The following CDK1 variants were observed in gnomAD, a reference collection of about 807,000 sequenced individuals.
CDK1 encodes cyclin-dependent kinase 1.
A neutral mutation model predicts 34.6 loss-of-function variants in CDK1; 5 were observed. That is an observed-to-expected ratio of 0.14 (90% CI 0.08 to 0.30). CDK1 has a LOEUF of 0.30. CDK1 is among the 10% of genes least tolerant of loss of function. CDK1 has a pLI of 1.00. For missense variants in CDK1, 157 were observed against 345.7 expected (o/e 0.45, Z 4.33); for synonymous variants, 108 against 114.7 (o/e 0.94, Z 0.37).
At chr10:60,793,065 T>C (rs2080372537) in intron 7 of CDK1, among the ~76,000 whole-genome samples, 1 of 152,110 alleles carries the variant, frequency 6.6e-6, no homozygotes, top group Non-Finnish European at 1.5e-5. Context: ...CGAACCATTA[T>C]TGTAAATTAA....
chr10:60,790,570 T>G lies in CDK1; in HGVS notation c.490-1320T>G, dbSNP rs115101235. On this transcript the variant is annotated intron_variant, in intron 5 of 7. Transcript: ENST00000395284. ...CCTCATTTGTCTATTTTTGATTTTG[T>G]TTCTTGAGCTTTTGAGGTCTTATCC... 5.8e-3 allele frequency among the ~76,000 whole-genome samples: 885 copies of G among 152,330 alleles called. 11 individuals carry two copies. Among genetic ancestry groups the G allele is most frequent in the African/African-American group, 0.021 (853 of 41,576 alleles).
At chr10:60,787,195 A>G (rs2080323560) in intron 4 of CDK1, 2 of 332,702 alleles carry the variant, frequency 6.0e-6, no homozygotes, top group East Asian at 1.7e-4. Flanking sequence ...TCATTTACCC[A>G]TACAACCATT....
At position 60,792,181 on chromosome 10, in the gene CDK1, A is replaced by G. The variant is rs370173780; in HGVS notation, c.687A>G (p.Pro229=). 4.2e-5 allele frequency: 68 copies of G among 1,611,324 alleles called. No homozygotes were observed. The highest frequency in any genetic ancestry group is 1.8e-4 in the Admixed American group (11 of 59,552). Residue 229 remains proline, a synonymous_variant, in exon 7 of 8, where the codon CCA becomes CCG. Coordinates refer to ENST00000395284, the MANE Select transcript of CDK1 (RefSeq NM_001786.5). Reference sequence around the variant, plus strand: ...GCACTCCCAATAATGAAGTGTGGCCAGAAGTGGAATCTTTACAGGACTATA... The same window carrying G: ...GCACTCCCAATAATGAAGTGTGGCCGGAAGTGGAATCTTTACAGGACTATA... The part of the protein sequence containing the change: ...ALGTPNNEVW[P]EVESLQDYKN...
Position 60,793,929 on chromosome 10 carries a change from A to G in CDK1, c.848A>G (p.Asn283Ser), listed in dbSNP as rs777969351. The change falls in exon 8 of 8, where the codon AAT (asparagine) becomes AGT (serine). Residue 283 changes from asparagine to serine, a missense_variant. Asn to Ser is a conservative substitution (Grantham distance 46). This residue lies in a region of CDK1 where 102 missense variants were observed against 233.6 expected (regional missense o/e 0.44). Coordinates refer to ENST00000395284, the MANE Select transcript of CDK1 (RefSeq NM_001786.5). The stretch of plus-strand genomic sequence containing the variant: ...CGAATTTCTGGCAAAATGGCACTGA[A>G]TCATCCATATTTTAATGATTTGGAC... ...AKRISGKMAL[N>S]HPYFNDLDNQ... 1.9e-6 allele frequency: 3 copies of G among 1,556,454 alleles called. No homozygotes were observed. Among genetic ancestry groups the G allele is most frequent in the African/African-American group, 1.4e-5 (1 of 69,988 alleles).
At chr10:60,783,079 T>C (rs2080286285) in intron 2 of CDK1, among the ~76,000 whole-genome samples, 1 of 152,186 alleles carries the variant, frequency 6.6e-6, no homozygotes, top group African/African-American at 2.4e-5. Context: ...TGAGATCACT[T>C]AAACAGTATG....
At chr10:60,787,408 G>GT (rs952913185) in intron 4 of CDK1, among the ~76,000 whole-genome samples, 2 of 151,914 alleles carry the variant, frequency 1.3e-5, no homozygotes, top group Non-Finnish European at 2.9e-5. Context: ...GTTTTGTTTT[G>GT]TTTTTTGAAC....
At chr10:60,785,870 A>G in intron 4 of CDK1, 83 bp downstream of exon 4, 1 of 1,374,428 alleles carries the variant, frequency 7.3e-7, no homozygotes, top group Admixed American at 2.6e-5. Flanking sequence ...ATTTTGTGGG[A>G]ATATGCTTGG....
intron 5 of CDK1, among the ~76,000 whole-genome samples, chr10:60,789,846 C>T (rs936689906): frequency 6.6e-6 from 1 of 152,164 alleles, no homozygotes; most frequent in Admixed American, 6.5e-5. Context: ...CATAATGGCT[C>T]TACTAATTTA....
intron 4 of CDK1, chr10:60,786,749 G>A (rs2080319670): frequency 2.0e-6 from 1 of 492,034 alleles, no homozygotes; most frequent in Admixed American, 6.4e-5. Flanking sequence ...TGTTAACTAT[G>A]TGAAAAAGGC....
intron 2 of CDK1, among the ~76,000 whole-genome samples, chr10:60,782,860 C>T (rs2080284237): frequency 6.6e-6 from 1 of 152,124 alleles, no homozygotes; most frequent in Non-Finnish European, 1.5e-5. Flanking sequence ...TGTTTAACCC[C>T]TCTTCCAGTA....
Position 60,788,174 on chromosome 10 carries a change from G to T in CDK1, c.433G>T (p.Ala145Ser). The T allele has an allele frequency of 1.7e-5, 28 of 1,611,288 alleles. No individual in the cohort carries two copies. Among genetic ancestry groups the T allele is most frequent in the Non-Finnish European group, 2.4e-5 (28 of 1,178,254 alleles). Residue 145 changes from alanine to serine, a missense_variant, in exon 5 of 8, where the codon GCT (alanine) becomes TCT (serine). Ala to Ser is a moderately conservative substitution (Grantham distance 99). Coordinates refer to ENST00000395284, the MANE Select transcript of CDK1 (RefSeq NM_001786.5). ...LIDDKGTIKL[A>S]DFGLARAFGI... ...TGATGACAAAGGAACAATTAAACTG[G>T]CTGATTTTGGCCTTGCCAGAGCTTT...
intron 3 of CDK1, among the ~76,000 whole-genome samples, chr10:60,785,342 G>GTATTT: frequency 1.3e-5 from 2 of 152,224 alleles, no homozygotes; most frequent in South Asian, 4.2e-4. Context: ...TAGCTTTTAA[G>GTATTT]GTCAGATACC....
In CDK1 at chr10:60,792,289, G is replaced by A. The variant is rs543143746; in HGVS notation, c.795G>A (p.Ser265=). 3.1e-5 allele frequency: 50 copies of A among 1,600,904 alleles called. No homozygotes were observed. Among genetic ancestry groups the A allele is most frequent in the South Asian group, 1.5e-4 (13 of 88,508 alleles). ...ATGAAAATGGCTTGGATTTGCTCTCGGTAAGGAGTGCCCTTGATACTGACT... is the reference window on the plus strand; with the variant it reads ...ATGAAAATGGCTTGGATTTGCTCTCAGTAAGGAGTGCCCTTGATACTGACT... ...NLDENGLDLL[S]KMLIYDPAKR... The change falls in exon 7 of 8, where the codon TCG becomes TCA. Residue 265 remains serine (S), a splice_region_variant and synonymous_variant. Transcript: ENST00000395284.
chr10:60,783,605 TGTACTTAAGGG>T (rs1279149814), intron 2 of CDK1: 1 of 152,176 alleles, frequency 6.6e-6, no homozygotes, highest in Non-Finnish European at 1.5e-5. Context: ...AAATTTTGTG[TGTACTTAAGGG>T]GTTCAGGACC....
intron 5 of CDK1, among the ~76,000 whole-genome samples, chr10:60,788,570 A>G (rs1464301284): frequency 6.6e-6 from 1 of 151,920 alleles, no homozygotes; most frequent in Non-Finnish European, 1.5e-5. Context: ...TTAATTCTTT[A>G]TATTAAACTC....
rs972397116 is a variant in CDK1 at position 60,794,642 on chromosome 10, A to T, written c.*667A>T. ...GTTTTGAAAATTTATGAACTATCTTATTTTTAGGTAGGTTTTGAAAGCTTT... is the reference window on the plus strand; with the variant it reads ...GTTTTGAAAATTTATGAACTATCTTTTTTTTAGGTAGGTTTTGAAAGCTTT... On this transcript the variant is annotated 3_prime_UTR_variant, in exon 8 of 8. Transcript: ENST00000395284. 3 of 152,054 alleles carry T rather than the reference A, an allele frequency of 2.0e-5. No homozygotes were observed. The highest frequency in any genetic ancestry group is 2.9e-5 in the Non-Finnish European group (2 of 67,946). The allele number at this position is 152,054 out of a possible 1,614,324, so 9.4% of individuals were successfully genotyped here. A position where few individuals can be genotyped will look rare whatever the true frequency, so the allele number is the denominator to read the frequency against.
chr10:60,792,175 G>C lies in CDK1; in HGVS notation c.681G>C (p.Val227=), dbSNP rs1336208641. The C allele has an allele frequency of 6.2e-7, 1 of 1,610,348 alleles. No homozygotes were observed. The highest frequency in any genetic ancestry group is 1.1e-5 in the South Asian group (1 of 90,064). Reference sequence around the variant, plus strand: ...CTTTGGGCACTCCCAATAATGAAGTGTGGCCAGAAGTGGAATCTTTACAGG... The same window carrying C: ...CTTTGGGCACTCCCAATAATGAAGTCTGGCCAGAAGTGGAATCTTTACAGG... ...FRALGTPNNE[V]WPEVESLQDY... The change falls in exon 7 of 8, where the codon GTG becomes GTC. Residue 227 remains valine, a synonymous_variant. Transcript: ENST00000395284.
chr10:60,787,924 C>T (rs1159529977), intron 4 of CDK1, 136 bp from the exon 5 acceptor site: 2 of 468,316 alleles, frequency 4.3e-6, no homozygotes, highest in Admixed American at 7.7e-5. Context: ...CCCACAAATG[C>T]TTATTAGCCT....
intron 4 of CDK1, 136 bp downstream of exon 4, chr10:60,785,923 C>T: frequency 3.1e-6 from 4 of 1,297,992 alleles, no homozygotes; most frequent in Non-Finnish European, 3.9e-6. Flanking sequence ...TTTTCTCCCT[C>T]ATGGTTAGTT....
Sources: gnomAD v4.1 joint callset for allele counts (sites outside exome capture counted in the v4.1 genomes callset) on GRCh38, gnomAD v4.1.1 for gene constraint, gnomAD v4.1.1 regional missense constraint, MANE v1.5 for transcripts, NCBI Gene and HGNC (gene_info 2026-07-23, HGNC 2026-07-21) for gene names.